LPA: variants seen among roughly 807,000 people sequenced by gnomAD.
LPA encodes the protein lipoprotein(a).
Under a neutral mutation model 197.9 loss-of-function variants are expected in LPA, and 199 were observed. That is an observed-to-expected ratio of 1.01 (90% CI 0.90 to 1.13). The LOEUF (loss-of-function observed/expected upper bound fraction) is 1.13. Ranked by LOEUF, LPA falls within the 50% of genes most tolerant of loss-of-function variation. The probability of loss-of-function intolerance (pLI) is 0.00; values close to 1 mark genes in which losing one functional copy is unlikely to be tolerated. For synonymous variants in LPA, 715 were observed against 639.5 expected, an observed-to-expected ratio of 1.12 and a Z score of -1.78; for missense variants, 1,853 against 1,785.8, an observed-to-expected ratio of 1.04 and a Z score of -0.68.
At chr6:160,553,965 G>GCGCA (rs921034241) in intron 30 of LPA, among the ~76,000 whole-genome samples, 8 of 150,202 alleles carry the variant, frequency 5.3e-5, no homozygotes, top group South Asian at 2.1e-4. Context: ...GCGCGCGCGC[G>GCGCA]CGTGTGCGTG....
intron 1 of LPA, among the ~76,000 whole-genome samples, chr6:160,655,217 T>C (rs1780111999): frequency 6.6e-6 from 1 of 152,176 alleles, no homozygotes; most frequent in Non-Finnish European, 1.5e-5. Context: ...CAAAGCCCAA[T>C]AACAGACCAA....
Position 160,540,693 on chromosome 6 carries a change from A to C in LPA, c.5594+414T>G, listed in dbSNP as rs570987929. Among the ~76,000 whole-genome samples, 16 of 152,338 alleles carry C rather than the reference A, an allele frequency of 1.1e-4. No individual in the cohort carries two copies. The South Asian group carries it at 3.3e-3, about 32-fold the overall frequency. Reference sequence around the variant, plus strand: ...CCTTAGGCCCACACAGAAGCAGAGGAGATGACAGCATCCTGCTTCCTGTAA... The same window carrying C: ...CCTTAGGCCCACACAGAAGCAGAGGCGATGACAGCATCCTGCTTCCTGTAA... On this transcript the variant is annotated intron_variant, in intron 35 of 38. Coordinates refer to ENST00000316300, the MANE Select transcript of LPA (RefSeq NM_005577.4).
chr6:160,576,685 T>A (rs1344024513), intron 28 of LPA, among the ~76,000 whole-genome samples: 1 of 97,634 alleles, frequency 1.0e-5, no homozygotes, highest in African/African-American at 4.0e-5. Context: ...TGTGTGTGTG[T>A]GTGTGTATAT....
rs367897422 is a variant in LPA, at chr6:160,611,525, G to A, written c.2603+37C>T. 701 of 1,606,150 alleles carry A rather than the reference G, an allele frequency of 4.4e-4. 5 individuals carry two copies. Among genetic ancestry groups the A allele is most frequent in the South Asian group, 1.1e-3 (100 of 90,948 alleles). ...TCTCTTGTCACAGAAACTTCAGTTG[G>A]CCCTTTATTCTCTTATGGTAAAGAA... On this transcript the variant is annotated intron_variant, in intron 16 of 38. Coordinates refer to ENST00000316300, the MANE Select transcript of LPA (RefSeq NM_005577.4).
chr6:160,555,282 ATATTATAT>A (rs1778237726), intron 30 of LPA, among the ~76,000 whole-genome samples: 2 of 117,898 alleles, frequency 1.7e-5, no homozygotes, highest in Admixed American at 9.1e-5. Flanking sequence ...ATATTATATT[ATATTATAT>A]GTTAGTGTGT....
intron 28 of LPA, among the ~76,000 whole-genome samples, chr6:160,568,581 C>T (rs1778505465): frequency 6.6e-6 from 1 of 152,196 alleles, no homozygotes; most frequent in Admixed American, 6.5e-5. Context: ...TGGCACAAGA[C>T]AGGGATGCCC....
intron 1 of LPA, among the ~76,000 whole-genome samples, chr6:160,653,996 T>A (rs10046272): frequency 6.2e-5 from 1 of 16,076 alleles, no homozygotes; most frequent in Non-Finnish European, 9.9e-5. Flanking sequence ...ATAATATATA[T>A]TATATATAAT....
At chr6:160,540,573 C>T (rs1490263891) in intron 35 of LPA, among the ~76,000 whole-genome samples, 3 of 152,106 alleles carry the variant, frequency 2.0e-5, no homozygotes, top group African/African-American at 7.2e-5. Flanking sequence ...TGGTATTGTG[C>T]AGCACCCCCA....
At chr6:160,604,521 T>C (rs771299103) in intron 18 of LPA, among the ~76,000 whole-genome samples, 7 of 152,310 alleles carry the variant, frequency 4.6e-5, no homozygotes, top group Non-Finnish European at 7.3e-5. Flanking sequence ...GCCATTTTTA[T>C]TCTCTAACAA....
intron 1 of LPA, among the ~76,000 whole-genome samples, chr6:160,652,531 A>G (rs1359029178): frequency 6.6e-6 from 1 of 152,178 alleles, no homozygotes; most frequent in Non-Finnish European, 1.5e-5. Flanking sequence ...GTCCCGTGCT[A>G]TAAGAAATGC....
intron 18 of LPA, among the ~76,000 whole-genome samples, chr6:160,603,257 T>TGTGTGTGTGTGC (rs1221614109): frequency 2.6e-5 from 4 of 151,760 alleles, no homozygotes; most frequent in Non-Finnish European, 4.4e-5. Flanking sequence ...TGTGTGTGTG[T>TGTGTGTGTGTGC]GTGCGTGCAT....
chr6:160,648,021 C>T (rs1487626683), intron 2 of LPA, among the ~76,000 whole-genome samples: 2 of 152,182 alleles, frequency 1.3e-5, no homozygotes, highest in Non-Finnish European at 2.9e-5. Flanking sequence ...CAAAGTCTTA[C>T]AGTTTCCGGT....
At chr6:160,553,482 G>A (rs1022913848) in intron 30 of LPA, among the ~76,000 whole-genome samples, 27 of 152,062 alleles carry the variant, frequency 1.8e-4, no homozygotes, top group African/African-American at 6.3e-4. Context: ...GTTTTGGCTG[G>A]ACATGTCGTC....
chr6:160,607,277 G>A (rs577434378), intron 16 of LPA, among the ~76,000 whole-genome samples: 3 of 152,188 alleles, frequency 2.0e-5, no homozygotes, highest in African/African-American at 7.2e-5. Flanking sequence ...GGTCAAATAG[G>A]TTTGTTTCTG....
intron 1 of LPA, among the ~76,000 whole-genome samples, chr6:160,656,496 C>A (rs1330720769): frequency 6.6e-6 from 1 of 152,204 alleles, no homozygotes; most frequent in Non-Finnish European, 1.5e-5. Context: ...CCATTAATTA[C>A]CTAACCTCCA....
chr6:160,568,663 A>C (rs1318768289), intron 28 of LPA, among the ~76,000 whole-genome samples: 1 of 152,220 alleles, frequency 6.6e-6, no homozygotes, highest in East Asian at 1.9e-4. Flanking sequence ...AAGGAAATAA[A>C]GGGTATTCAG....
At chr6:160,648,210 T>C (rs1779938552) in intron 2 of LPA, among the ~76,000 whole-genome samples, 1 of 152,246 alleles carries the variant, frequency 6.6e-6, no homozygotes, top group Non-Finnish European at 1.5e-5. Flanking sequence ...GTCACTTGTA[T>C]CACTGTTCCT....
rs2114990577 is a variant in LPA, at chr6:160,531,595, G to T, written c.*134C>A. On this transcript the variant is annotated 3_prime_UTR_variant, in exon 39 of 39. Transcript: ENST00000316300. ...GCTTATACACAAAAATACCAAAAATGCCAAGGTTTGGCATAGCTGGTAGCT... is the reference window on the plus strand; with the variant it reads ...GCTTATACACAAAAATACCAAAAATTCCAAGGTTTGGCATAGCTGGTAGCT... 3 of 1,223,978 alleles carry T rather than the reference G, an allele frequency of 2.5e-6. No individual in the cohort carries two copies. The South Asian group carries it at 3.8e-5, about 16-fold the overall frequency. 75.8% of individuals were successfully genotyped at this position (1,223,978 alleles called of 1,614,324 possible).
At position 160,654,029 on chromosome 6, in the gene LPA, TATA is replaced by T. The variant is rs1562354852; in HGVS notation, c.50-3535_50-3533del. ...AATATATATTATATATAATATATAATATATATTATATATAATATATAATATATT... is the reference window on the plus strand; with the variant it reads ...AATATATATTATATATAATATATAATTATTATATATAATATATAATATATT... On this transcript the variant is annotated intron_variant, in intron 1 of 38. Coordinates refer to ENST00000316300, the MANE Select transcript of LPA (RefSeq NM_005577.4). Among the ~76,000 whole-genome samples the T allele has an allele frequency of 3.8e-4, 4 of 10,416 alleles. 1 individual carries two copies. Among genetic ancestry groups the T allele is most frequent in the Non-Finnish European group, 6.6e-4 (4 of 6,026 alleles). The allele number at this position is 10,416 out of a possible 152,430, so 6.8% of individuals were successfully genotyped here.
Sources: allele counts gnomAD v4.1 joint callset (sites outside exome capture counted in the v4.1 genomes callset), GRCh38; gene constraint gnomAD v4.1.1; transcripts MANE v1.5; gene names NCBI Gene and HGNC (gene_info 2026-07-23, HGNC 2026-07-21).